Variants in PREX2 observed in about 807,000 individuals in gnomAD.
PREX2 encodes phosphatidylinositol-3,4,5-trisphosphate dependent Rac exchange factor 2.
In PREX2, 107 loss-of-function variants were observed where a neutral mutation model predicts 203.2. The observed-to-expected ratio is 0.53, with a 90% CI of 0.45 to 0.62. The LOEUF (loss-of-function observed/expected upper bound fraction) is 0.62. PREX2 is among the 20% of genes least tolerant of loss of function. The pLI is 0.00. For synonymous variants in PREX2, 672 were observed against 663.6 expected, an observed-to-expected ratio of 1.01 and a Z score of -0.19; for missense variants, 1,777 against 1,955.9, an observed-to-expected ratio of 0.91 and a Z score of 1.72.
intron 23 of PREX2, chr8:68,105,246 G>C (rs767873988): frequency 7.3e-7 from 1 of 1,367,776 alleles, no homozygotes; most frequent in Non-Finnish European, 9.8e-7. Flanking sequence ...TGTGACTATG[G>C]AGTTCCTCCT....
chr8:68,050,139 A>G (rs1480516159), intron 8 of PREX2, among the ~76,000 whole-genome samples: 1 of 152,174 alleles, frequency 6.6e-6, no homozygotes, highest in Non-Finnish European at 1.5e-5. Flanking sequence ...TAAACTTTAA[A>G]AGGGAACATT....
chr8:68,017,247 G>A (rs1207279817), intron 1 of PREX2, among the ~76,000 whole-genome samples: 5 of 151,950 alleles, frequency 3.3e-5, no homozygotes, highest in East Asian at 1.9e-4. Flanking sequence ...TGGAGAGCCC[G>A]GACCTGAACC....
intron 35 of PREX2, among the ~76,000 whole-genome samples, chr8:68,165,061 CTT>C (rs34771971): frequency 1.1e-3 from 163 of 146,684 alleles, no homozygotes; most frequent in African/African-American, 2.4e-3. Flanking sequence ...TTACTTTTGC[CTT>C]TTTTTTTTTT....
intron 1 of PREX2, among the ~76,000 whole-genome samples, chr8:67,967,890 T>C (rs1805819115): frequency 6.6e-6 from 1 of 151,948 alleles, no homozygotes; most frequent in African/African-American, 2.4e-5. Flanking sequence ...ATGAGAACAC[T>C]TGGACACAGG....
intron 1 of PREX2, among the ~76,000 whole-genome samples, chr8:67,993,304 A>G (rs1806661052): frequency 1.3e-5 from 2 of 152,326 alleles, no homozygotes; most frequent in Non-Finnish European, 1.5e-5. Flanking sequence ...AGATGACTGA[A>G]GAAGAAATGT....
chr8:68,122,474 TTA>T (rs1334395163), intron 30 of PREX2, among the ~76,000 whole-genome samples: 8 of 152,062 alleles, frequency 5.3e-5, no homozygotes, highest in Non-Finnish European at 1.0e-4. Flanking sequence ...TGAAAAACTA[TTA>T]TGTTTTAGAA....
intron 18 of PREX2, among the ~76,000 whole-genome samples, chr8:68,086,613 C>T (rs1809701714): frequency 2.6e-5 from 4 of 152,186 alleles, no homozygotes; most frequent in Admixed American, 2.6e-4. Flanking sequence ...GCATCTTGCA[C>T]TCTCTGCTTT....
chr8:68,006,568 T>G (rs1000507417), intron 1 of PREX2, among the ~76,000 whole-genome samples: 16 of 152,206 alleles, frequency 1.1e-4, no homozygotes, highest in Non-Finnish European at 2.1e-4. Flanking sequence ...ATCCTGTCAC[T>G]GTTGCCTGGA....
In PREX2 at chr8:68,157,304, G is replaced by A. The variant is rs1284642760; in HGVS notation, c.4232-18G>A. The stretch of plus-strand genomic sequence containing the variant: ...AGTTATAAAGTTGCTTGTAAAATAT[G>A]TTTACTTGTTTACACAGCACTAGAG... On this transcript the variant is annotated intron_variant, in intron 34 of 39. Transcript: ENST00000288368. The A allele has an allele frequency of 2.2e-6, 3 of 1,360,852 alleles. No individual in the cohort carries two copies. Among genetic ancestry groups the A allele is most frequent in the South Asian group, 1.2e-5 (1 of 80,634 alleles). The allele number at this position is 1,360,852 out of a possible 1,614,324, so 84.3% of individuals were successfully genotyped here.
intron 37 of PREX2, among the ~76,000 whole-genome samples, chr8:68,202,346 G>A (rs1281118447): frequency 5.3e-5 from 8 of 152,184 alleles, no homozygotes; most frequent in South Asian, 4.1e-4. Context: ...AAAGGGTAGC[G>A]ACTGGACAGG....
In PREX2 at chr8:67,976,635, G is replaced by GGAGAGAGACAGAGA. The variant is rs1554559130; in HGVS notation, c.141+24110_141+24123dup. 4.3e-3 allele frequency among the ~76,000 whole-genome samples: 432 copies of GGAGAGAGACAGAGA among 99,442 alleles called. 46 individuals are homozygous for GGAGAGAGACAGAGA. The highest frequency in any genetic ancestry group is 0.014 in the African/African-American group (335 of 24,038). 65.2% of individuals were successfully genotyped at this position (99,442 alleles called of 152,430 possible). Reference sequence around the variant, plus strand: ...AGACAGAGACAGAGAGAGAGAGACGGGAGAGAGACAGAGAGAGAGAGACGG... The same window carrying GGAGAGAGACAGAGA: ...AGACAGAGACAGAGAGAGAGAGACGGGAGAGAGACAGAGAGAGAGAGACAGAGAGAGAGAGACGG... On this transcript the variant is annotated intron_variant, in intron 1 of 39. Coordinates refer to ENST00000288368, the MANE Select transcript of PREX2 (RefSeq NM_024870.4).
rs868663893 is a variant in PREX2, at chr8:67,989,799, T to C, written c.142-28047T>C. On this transcript the variant is annotated intron_variant, in intron 1 of 39. Coordinates refer to ENST00000288368, the MANE Select transcript of PREX2 (RefSeq NM_024870.4). ...CTAAATAAGCATTTAAAATAACCTG[T>C]CTAGAGACACACTTGAAGAAATGTC... 4.4e-4 allele frequency among the ~76,000 whole-genome samples: 67 copies of C among 152,362 alleles called. 1 individual carries two copies. The Middle Eastern group carries it at 0.017, about 39-fold the overall frequency.
Position 68,027,209 on chromosome 8 carries a change from A to AT in PREX2, c.442-9dup. 2 of 1,590,634 alleles carry AT rather than the reference A, an allele frequency of 1.3e-6. No homozygotes were observed. The highest frequency in any genetic ancestry group is 1.7e-6 in the Non-Finnish European group (2 of 1,159,858). On this transcript the variant is annotated splice_polypyrimidine_tract_variant and intron_variant, in intron 4 of 39. Coordinates refer to ENST00000288368, the MANE Select transcript of PREX2 (RefSeq NM_024870.4). ...ATTAAAGATGTAATTAATTTTGATT[A>AT]TTTTCACCCCAGAACTGCATGCTGC...
chr8:68,168,054 G>C (rs74863588), intron 35 of PREX2, among the ~76,000 whole-genome samples: 3,419 of 152,190 alleles, frequency 0.022, 142 homozygotes, highest in African/African-American at 0.078. Context: ...CATTCTACTA[G>C]TCTTTAAATG....
At chr8:68,178,096 A>G (rs775308870) in intron 35 of PREX2, among the ~76,000 whole-genome samples, 1 of 152,284 alleles carries the variant, frequency 6.6e-6, no homozygotes, top group Non-Finnish European at 1.5e-5. Flanking sequence ...GCTGCAATGA[A>G]CATATATGTG....
intron 1 of PREX2, among the ~76,000 whole-genome samples, chr8:67,996,704 A>G (rs1163846528): frequency 6.6e-6 from 1 of 152,100 alleles, no homozygotes; most frequent in Non-Finnish European, 1.5e-5. Context: ...CTTAAAAAAT[A>G]TTTGCCTCTC....
chr8:68,084,092 A>G (rs1464087247), intron 18 of PREX2, among the ~76,000 whole-genome samples: 1 of 152,200 alleles, frequency 6.6e-6, no homozygotes, highest in Non-Finnish European at 1.5e-5. Context: ...CTTTTTAATA[A>G]CATACCATGC....
intron 4 of PREX2, among the ~76,000 whole-genome samples, chr8:68,026,861 T>G (rs1807731177): frequency 6.6e-6 from 1 of 152,096 alleles, no homozygotes; most frequent in African/African-American, 2.4e-5. Context: ...ATACCTTTCT[T>G]TATAAGCAAA....
chr8:68,070,888 C>T (rs1809174458), intron 13 of PREX2, among the ~76,000 whole-genome samples: 1 of 151,988 alleles, frequency 6.6e-6, no homozygotes, highest in Non-Finnish European at 1.5e-5. Context: ...CTGAAAGTGC[C>T]CTATTTACTT....
Sources: allele counts gnomAD v4.1 joint callset (sites outside exome capture counted in the v4.1 genomes callset), GRCh38; gene constraint gnomAD v4.1.1; transcripts MANE v1.5; gene names NCBI Gene and HGNC (gene_info 2026-07-23, HGNC 2026-07-21).